MYZAP: variants seen among roughly 807,000 people sequenced by gnomAD.
The protein encoded by MYZAP is GRINL1A complex locus upstream.
MYZAP carries 66 observed loss-of-function variants against 69.4 expected under a neutral mutation model. The ratio of observed to expected loss-of-function variants is 0.95; its 90% CI spans 0.78 to 1.17. The LOEUF is 1.17. Ranked by LOEUF, MYZAP falls within the 50% of genes most tolerant of loss-of-function variation. The pLI, the probability that MYZAP is intolerant of heterozygous loss-of-function variation, is 0.00. For missense variants in MYZAP, 611 were observed against 556.2 expected (o/e 1.10, Z -0.99); for synonymous variants, 256 against 205.9 (o/e 1.24, Z -2.09).
intron 1 of MYZAP, among the ~76,000 whole-genome samples, chr15:57,594,178 C>T (rs111740681): frequency 0.024 from 3,642 of 152,294 alleles, 148 homozygotes; most frequent in African/African-American, 0.082. Context: ...TGCCATGGCA[C>T]GATCTCGGCT....
At chr15:57,599,512 C>T (rs761575551) in intron 1 of MYZAP, 10 of 1,217,932 alleles carry the variant, frequency 8.2e-6, no homozygotes, top group Middle Eastern at 3.5e-4. Flanking sequence ...GGTTCGGTAG[C>T]AGTGGTGTTC....
chr15:57,658,588 G>A (rs959378202), intron 10 of MYZAP, among the ~76,000 whole-genome samples: 2 of 152,086 alleles, frequency 1.3e-5, no homozygotes, highest in South Asian at 2.1e-4. Flanking sequence ...TTCTGGATTC[G>A]ACTTTTTGTG....
chr15:57,667,891 T>C (rs1595930365), intron 11 of MYZAP, among the ~76,000 whole-genome samples: 1 of 152,206 alleles, frequency 6.6e-6, no homozygotes, highest in Non-Finnish European at 1.5e-5. Flanking sequence ...CCACCAAAGA[T>C]TCTGTTTCAG....
At chr15:57,599,853 A>T (rs894479344) in intron 1 of MYZAP, 3 of 493,406 alleles carry the variant, frequency 6.1e-6, no homozygotes, top group African/African-American at 5.9e-5. Context: ...AGGGATTCAG[A>T]GTACCTTTTA....
chr15:57,641,993 T>C (rs982440399), intron 10 of MYZAP, among the ~76,000 whole-genome samples: 5 of 152,198 alleles, frequency 3.3e-5, no homozygotes, highest in African/African-American at 1.2e-4. Context: ...TTGTTTTGTA[T>C]TGTGAAGCAA....
intron 12 of MYZAP, among the ~76,000 whole-genome samples, chr15:57,681,749 C>T (rs2039457172): frequency 6.6e-6 from 1 of 151,924 alleles, no homozygotes; most frequent in Non-Finnish European, 1.5e-5. Flanking sequence ...CGTGCCACTG[C>T]ACTCCAGCCT....
intron 12 of MYZAP, among the ~76,000 whole-genome samples, chr15:57,682,497 ATC>A (rs1301241575): frequency 2.0e-5 from 3 of 152,106 alleles, no homozygotes; most frequent in African/African-American, 7.2e-5. Context: ...AGTTGTCATG[ATC>A]TCTCTTTCAC....
At chr15:57,639,417 C>T in intron 9 of MYZAP, 23 bp from the exon 10 acceptor site, 1 of 1,613,062 alleles carries the variant, frequency 6.2e-7, no homozygotes, top group Non-Finnish European at 8.5e-7. Flanking sequence ...GACTCATTTG[C>T]TTTTTTCTCC....
chr15:57,612,156 C>T (rs1423869588), intron 2 of MYZAP, among the ~76,000 whole-genome samples: 1 of 152,216 alleles, frequency 6.6e-6, no homozygotes, highest in African/African-American at 2.4e-5. Flanking sequence ...CTGTGCTCAG[C>T]AGTCCCAGGT....
At chr15:57,681,064 C>T (rs772801566) in intron 12 of MYZAP, among the ~76,000 whole-genome samples, 5 of 152,150 alleles carry the variant, frequency 3.3e-5, no homozygotes, top group Admixed American at 6.5e-5. Flanking sequence ...TTTAAAAGAT[C>T]GGGATATGAG....
intron 10 of MYZAP, among the ~76,000 whole-genome samples, chr15:57,655,052 A>G (rs576710716): frequency 1.3e-4 from 20 of 152,312 alleles, no homozygotes; most frequent in African/African-American, 4.3e-4. Context: ...AAAAAAGTCA[A>G]CTAAGGATGG....
chr15:57,630,247 C>T (rs1189116920), intron 6 of MYZAP, among the ~76,000 whole-genome samples: 1 of 152,198 alleles, frequency 6.6e-6, no homozygotes, highest in Non-Finnish European at 1.5e-5. Context: ...GGATGACAGG[C>T]GTGAGCCACC....
intron 9 of MYZAP, among the ~76,000 whole-genome samples, chr15:57,638,695 G>A (rs60702267): frequency 0.14 from 21,749 of 152,114 alleles, 1,748 homozygotes; most frequent in East Asian, 0.28. Flanking sequence ...AGTATGAAAT[G>A]TTTTGTGATG....
chr15:57,594,767 CT>C (rs1305470638), intron 1 of MYZAP, among the ~76,000 whole-genome samples: 1 of 152,168 alleles, frequency 6.6e-6, no homozygotes, highest in African/African-American at 2.4e-5. Flanking sequence ...CAAATTGGAC[CT>C]GCTTTGGGAC....
In MYZAP at chr15:57,642,139, A is replaced by G. The variant is rs188643393; in HGVS notation, c.1119+2594A>G. ...TTCATCATGGTTACGTTCTTTACAA[A>G]GTAAGAAGTTGATTTAGAAGTTCTC... On this transcript the variant is annotated intron_variant, in intron 10 of 12. Coordinates refer to ENST00000267853, the MANE Select transcript of MYZAP (RefSeq NM_001018100.5). Among the ~76,000 whole-genome samples, 7 of 152,360 alleles carry G rather than the reference A, an allele frequency of 4.6e-5. No individual in the cohort carries two copies. In the East Asian group the frequency reaches 1.3e-3, roughly 29 times the overall value.
intron 2 of MYZAP, among the ~76,000 whole-genome samples, chr15:57,616,436 G>A (rs926082986): frequency 1.3e-5 from 2 of 152,160 alleles, no homozygotes; most frequent in Non-Finnish European, 1.5e-5. Context: ...TCAAGAGCTC[G>A]AGACCATCCT....
chr15:57,593,461 C>G (rs762455054), intron 1 of MYZAP, among the ~76,000 whole-genome samples: 97 of 152,256 alleles, frequency 6.4e-4, no homozygotes, highest in Non-Finnish European at 9.6e-4. Context: ...TATGTGTGAC[C>G]AGACTGCATG....
Position 57,629,835 on chromosome 15 carries a change from A to G in MYZAP, c.659A>G (p.Asn220Ser), listed in dbSNP as rs2036390469. 1 of 1,613,530 alleles carries G rather than the reference A, an allele frequency of 6.2e-7. No individual in the cohort carries two copies. Among genetic ancestry groups the G allele is most frequent in the Non-Finnish European group, 8.5e-7 (1 of 1,179,860 alleles). The stretch of plus-strand genomic sequence containing the variant: ...CAGTTGGAGGTAGCGCAAGTTGAAA[A>G]CCAGCTGCTAAAAATGAAGGTGGAG... ...QRQLEVAQVENQLLKMKVESS... is the reference protein window; with the variant it reads ...QRQLEVAQVESQLLKMKVESS... Residue 220 changes from asparagine (N) to serine (S), a missense_variant, in exon 6 of 13, where the codon AAC becomes AGC. Asn to Ser is a conservative substitution (Grantham distance 46). Coordinates refer to ENST00000267853, the MANE Select transcript of MYZAP (RefSeq NM_001018100.5).
intron 8 of MYZAP, among the ~76,000 whole-genome samples, chr15:57,634,893 T>C (rs1470628051): frequency 6.6e-6 from 1 of 152,196 alleles, no homozygotes; most frequent in African/African-American, 2.4e-5. Flanking sequence ...GTGGTGAAGA[T>C]TGGGCAACAA....
Sources: gnomAD v4.1 joint callset for allele counts (sites outside exome capture counted in the v4.1 genomes callset) on GRCh38, gnomAD v4.1.1 for gene constraint, MANE v1.5 for transcripts, NCBI Gene and HGNC (gene_info 2026-07-23, HGNC 2026-07-21) for gene names.